The following SLC6A13 variants were observed in gnomAD, a reference collection of about 807,000 sequenced individuals.
SLC6A13 encodes the protein solute carrier family 6 member 13, also known as sodium- and chloride-dependent GABA transporter 2.
In SLC6A13, 69 loss-of-function variants were observed where a neutral mutation model predicts 72.9. That is an observed-to-expected ratio of 0.95 (90% CI 0.78 to 1.16). SLC6A13 has a LOEUF of 1.16. Among genes scored for constraint, SLC6A13 ranks in the 50% most tolerant of loss-of-function variants. The pLI is 0.00. For missense variants in SLC6A13, 735 were observed against 760.5 expected (o/e 0.97, Z 0.39); for synonymous variants, 303 against 303.0 (o/e 1.00, Z 0.00).
At chr12:227,528 T>G in intron 8 of SLC6A13, 37 bp downstream of exon 8, 1 of 1,612,358 alleles carries the variant, frequency 6.2e-7, no homozygotes, top group Non-Finnish European at 8.5e-7. Flanking sequence ...AGTAGAGAGA[T>G]GCAGGTGTGT....
At chr12:223,333 A>G (rs1941297320) in intron 11 of SLC6A13, 99 bp from the exon 12 acceptor site, 2 of 649,194 alleles carry the variant, frequency 3.1e-6, no homozygotes, top group Admixed American at 5.7e-5. Context: ...GGCACAGAGC[A>G]GAGTTGGTGA....
At chr12:243,583 T>C (rs1328204174) in intron 3 of SLC6A13, 96 bp downstream of exon 3, 23 of 1,267,844 alleles carry the variant, frequency 1.8e-5, no homozygotes, top group Middle Eastern at 1.9e-4. Flanking sequence ...GGATCTTATC[T>C]TAACCTCAGA....
At chr12:251,165 C>T (rs80140420) in intron 2 of SLC6A13, among the ~76,000 whole-genome samples, 3 of 124,388 alleles carry the variant, frequency 2.4e-5, no homozygotes, top group Non-Finnish European at 3.5e-5. Flanking sequence ...CAAAAAAAAA[C>T]AAAAAAAAAA....
intron 2 of SLC6A13, among the ~76,000 whole-genome samples, chr12:258,301 C>T (rs1227568541): frequency 6.6e-6 from 1 of 152,204 alleles, no homozygotes; most frequent in Non-Finnish European, 1.5e-5. Context: ...GAACCAGACT[C>T]CATGGGCCCA....
In SLC6A13 at chr12:220,847, C is replaced by T. The variant is rs543032379; in HGVS notation, c.*101G>A. On this transcript the variant is annotated 3_prime_UTR_variant, in exon 15 of 15. Transcript: ENST00000343164. ...AAATACCCCTCTTGTCTTATCCACT[C>T]CAGGTCGGGGGCAGGGAAGCACATG... is the stretch of plus-strand genomic sequence containing the variant. The T allele has an allele frequency of 1.1e-5, 16 of 1,467,732 alleles. No individual in the cohort carries two copies. The African/African-American group carries it at 2.1e-4, about 19-fold the overall frequency. 90.9% of individuals were successfully genotyped at this position (1,467,732 alleles called of 1,614,324 possible).
At chr12:224,572 G>C (rs1941362319) in intron 9 of SLC6A13, 59 bp from the exon 10 acceptor site, 4 of 1,387,874 alleles carry the variant, frequency 2.9e-6, no homozygotes, top group Non-Finnish European at 4.1e-6. Context: ...GGCTGTGGGT[G>C]ACCCATGGCT....
intron 2 of SLC6A13, among the ~76,000 whole-genome samples, chr12:249,242 A>G (rs1942459148): frequency 6.6e-6 from 1 of 152,156 alleles, no homozygotes; most frequent in Non-Finnish European, 1.5e-5. Flanking sequence ...TTAAGAAAAA[A>G]AGAAAGAAAG....
At chr12:234,545 T>A (rs540419932) in intron 7 of SLC6A13, among the ~76,000 whole-genome samples, 1 of 152,046 alleles carries the variant, frequency 6.6e-6, no homozygotes, top group Non-Finnish European at 1.5e-5. Context: ...AGAGACAGAG[T>A]CTCACTCTGT....
chr12:221,442 G>A lies in SLC6A13; in HGVS notation c.1620C>T (p.Ser540=). 1 of 1,613,946 alleles carries A rather than the reference G, an allele frequency of 6.2e-7. No homozygotes were observed. Among genetic ancestry groups the A allele is most frequent in the Non-Finnish European group, 8.5e-7 (1 of 1,179,900 alleles). Residue 540 remains serine (S), a synonymous_variant, in exon 14 of 15, where the codon TCC becomes TCT. Transcript: ENST00000343164. ...GDALGWLLAL[S]SMVCIPAWSL... ...TCCAGGCAGGAATGCAGACCATGGA[G>A]GACAGAGCCAGGAGCCAGCCCAGGG...
chr12:231,916 G>C (rs1004277328), intron 7 of SLC6A13, among the ~76,000 whole-genome samples: 1 of 152,154 alleles, frequency 6.6e-6, no homozygotes, highest in Non-Finnish European at 1.5e-5. Context: ...GAGTGGCCAG[G>C]GACCTCGTCT....
At chr12:241,523 A>C (rs1427557375) in intron 4 of SLC6A13, among the ~76,000 whole-genome samples, 2 of 152,188 alleles carry the variant, frequency 1.3e-5, no homozygotes, top group East Asian at 3.8e-4. Flanking sequence ...CATTCAATGC[A>C]AATGTTAAAG....
intron 2 of SLC6A13, chr12:258,920 C>G: frequency 1.0e-6 from 1 of 985,472 alleles, no homozygotes; most frequent in Non-Finnish European, 1.2e-6. Context: ...GGAGCCTCAC[C>G]GTGCCAGCAA....
intron 7 of SLC6A13, among the ~76,000 whole-genome samples, chr12:231,889 G>A (rs1330311250): frequency 1.2e-4 from 19 of 152,336 alleles, no homozygotes; most frequent in Admixed American, 1.2e-3. Context: ...TGAATAAGCT[G>A]TGAGAGAAAC....
At chr12:250,743 C>T (rs1195071215) in intron 2 of SLC6A13, among the ~76,000 whole-genome samples, 1 of 134,610 alleles carries the variant, frequency 7.4e-6, no homozygotes, top group East Asian at 2.2e-4. Context: ...TAATACAATC[C>T]TAATCAAAAG....
At chr12:233,696 A>G (rs528501770) in intron 7 of SLC6A13, among the ~76,000 whole-genome samples, 27 of 152,200 alleles carry the variant, frequency 1.8e-4, no homozygotes, top group African/African-American at 5.8e-4. Flanking sequence ...AGGAGGGGAG[A>G]AGGACACCCT....
At chr12:227,741 C>A in intron 7 of SLC6A13, 73 bp from the exon 8 acceptor site, 1 of 1,325,046 alleles carries the variant, frequency 7.5e-7, no homozygotes, top group Non-Finnish European at 1.0e-6. Context: ...CGGACACAGG[C>A]ATGTGGCTGA....
intron 14 of SLC6A13, 71 bp downstream of exon 14, chr12:221,305 G>C (rs1217370468): frequency 6.8e-7 from 1 of 1,463,074 alleles, no homozygotes; most frequent in African/African-American, 1.4e-5. Flanking sequence ...GCCCTGGCTG[G>C]CAGCCCACCT....
At chr12:244,343 T>A (rs1453821019) in intron 2 of SLC6A13, among the ~76,000 whole-genome samples, 1 of 152,222 alleles carries the variant, frequency 6.6e-6, no homozygotes, top group Non-Finnish European at 1.5e-5. Flanking sequence ...TCATGAGGGC[T>A]CTGCCCTCAT....
intron 2 of SLC6A13, among the ~76,000 whole-genome samples, chr12:258,747 G>T (rs1446951317): frequency 6.6e-6 from 1 of 152,220 alleles, no homozygotes; most frequent in Non-Finnish European, 1.5e-5. Context: ...TGTGGGGATA[G>T]CAGAGTTACC....
Sources: allele counts gnomAD v4.1 joint callset (sites outside exome capture counted in the v4.1 genomes callset), GRCh38; gene constraint gnomAD v4.1.1; transcripts MANE v1.5; gene names NCBI Gene and HGNC (gene_info 2026-07-23, HGNC 2026-07-21).